LYZL4: variants seen among roughly 807,000 people sequenced by gnomAD.
LYZL4 encodes lysozyme-like protein 4.
LYZL4 carries 13 observed loss-of-function variants against 17.6 expected under a neutral mutation model. The observed-to-expected ratio is 0.74, with a 90% CI of 0.48 to 1.18. The LOEUF (loss-of-function observed/expected upper bound fraction) is 1.18. Ranked by LOEUF, LYZL4 falls within the 50% of genes most tolerant of loss-of-function variation. The pLI is 0.00. For missense variants in LYZL4, 174 were observed against 188.2 expected (o/e 0.92, Z 0.44); for synonymous variants, 64 against 67.7 (o/e 0.95, Z 0.27).
At chr3:42,383,799 C>T in the LYZL4 span, among the ~76,000 whole-genome samples, 270 of 151,064 alleles carry the variant, frequency 1.8e-3, 4 homozygotes, top group African/African-American at 6.0e-3. Context: ...TGAAAGAAGT[C>T]GAGAAAATTG....
chr3:42,398,128 C>T (rs1409355121), intron 4 of LYZL4, among the ~76,000 whole-genome samples: 2 of 152,166 alleles, frequency 1.3e-5, no homozygotes, highest in African/African-American at 4.8e-5. Context: ...AACATACACA[C>T]AGGTATTTTC....
the LYZL4 span, among the ~76,000 whole-genome samples, chr3:42,378,114 T>A: frequency 6.6e-6 from 1 of 152,178 alleles, no homozygotes; most frequent in Non-Finnish European, 1.5e-5. Context: ...GAGCAGAACT[T>A]GTGAGCCAAC....
At position 42,407,350 on chromosome 3, in the gene LYZL4, G is replaced by A. The variant is rs561669153; in HGVS notation, c.-92-7C>T. ...CTGAAGGGAAAGAAGGGCACTGTGG[G>A]GGTGGGGGTGGAGCACAGTTCAGTG... On this transcript the variant is annotated splice_region_variant and splice_polypyrimidine_tract_variant and intron_variant, in intron 1 of 4. Coordinates refer to ENST00000287748, the MANE Select transcript of LYZL4 (RefSeq NM_144634.4). The A allele has an allele frequency of 1.4e-4, 215 of 1,518,476 alleles. 2 individuals carry two copies. The South Asian group carries it at 2.3e-3, about 16-fold the overall frequency. The allele number at this position is 1,518,476 out of a possible 1,614,324, so 94.1% of individuals were successfully genotyped here.
At chr3:42,386,395 G>GCTCC in the LYZL4 span, among the ~76,000 whole-genome samples, 2 of 107,458 alleles carry the variant, frequency 1.9e-5, no homozygotes, top group Non-Finnish European at 3.8e-5. Context: ...GAGCCACCAC[G>GCTCC]CCCCCCCCCC....
At chr3:42,371,958 C>T in the LYZL4 span, among the ~76,000 whole-genome samples, 1 of 152,202 alleles carries the variant, frequency 6.6e-6, no homozygotes, top group East Asian at 1.9e-4. Flanking sequence ...GTGCCAACCT[C>T]CACAGTCACA....
intron 4 of LYZL4, among the ~76,000 whole-genome samples, chr3:42,399,297 A>G (rs956269526): frequency 6.6e-6 from 1 of 152,240 alleles, no homozygotes; most frequent in African/African-American, 2.4e-5. Context: ...AAATGCACCA[A>G]ATGGTCTCAA....
At chr3:42,393,948 T>C (rs1222074352), downstream of LYZL4, among the ~76,000 whole-genome samples, 1 of 152,092 alleles carries the variant, frequency 6.6e-6, no homozygotes, top group Admixed American at 6.5e-5. Flanking sequence ...TCCACCACCA[T>C]ACCCAGCTAA....
At chr3:42,401,004 C>T (rs1698642340) in intron 4 of LYZL4, among the ~76,000 whole-genome samples, 1 of 152,040 alleles carries the variant, frequency 6.6e-6, no homozygotes. Flanking sequence ...CAATCTACCC[C>T]CAAGTAGACG....
At chr3:42,369,501 G>A in the LYZL4 span, among the ~76,000 whole-genome samples, 1 of 152,228 alleles carries the variant, frequency 6.6e-6, no homozygotes. Flanking sequence ...CTGGCCAAGA[G>A]AGGAAAATCA....
chr3:42,366,165 T>C, the LYZL4 span, among the ~76,000 whole-genome samples: 2 of 152,040 alleles, frequency 1.3e-5, no homozygotes, highest in African/African-American at 4.8e-5. Context: ...GAAGAAAGGA[T>C]GCCAGACCAG....
chr3:42,366,057 A>G, the LYZL4 span, among the ~76,000 whole-genome samples: 1 of 152,088 alleles, frequency 6.6e-6, no homozygotes, highest in Admixed American at 6.6e-5. Context: ...CACTGGGGTT[A>G]GGGAGTGGGG....
the LYZL4 span, among the ~76,000 whole-genome samples, chr3:42,380,806 G>A: frequency 6.6e-6 from 1 of 152,188 alleles, no homozygotes; most frequent in Non-Finnish European, 1.5e-5. Context: ...CATGGGGGAA[G>A]TGTGCTTCCT....
chr3:42,372,251 C>T, the LYZL4 span, among the ~76,000 whole-genome samples: 1 of 152,230 alleles, frequency 6.6e-6, no homozygotes, highest in African/African-American at 2.4e-5. Flanking sequence ...CAAATCCTAA[C>T]TCTGCCACTT....
At chr3:42,390,048 C>T in the LYZL4 span, among the ~76,000 whole-genome samples, 1 of 152,244 alleles carries the variant, frequency 6.6e-6, no homozygotes, top group Non-Finnish European at 1.5e-5. Flanking sequence ...ACTGGTTGTT[C>T]ATTTTGCCTG....
At chr3:42,391,651 A>C in the LYZL4 span, among the ~76,000 whole-genome samples, 1 of 152,156 alleles carries the variant, frequency 6.6e-6, no homozygotes, top group Non-Finnish European at 1.5e-5. Context: ...AAGAGAGGAA[A>C]CTTGGATACG....
At chr3:42,361,053 C>T in the LYZL4 span, among the ~76,000 whole-genome samples, 1 of 152,064 alleles carries the variant, frequency 6.6e-6, no homozygotes, top group Non-Finnish European at 1.5e-5. Flanking sequence ...CCACTCGTAT[C>T]CCCTCCTTCA....
the LYZL4 span, among the ~76,000 whole-genome samples, chr3:42,364,983 G>C: frequency 5.4e-3 from 824 of 152,186 alleles, 3 homozygotes; most frequent in Middle Eastern, 0.02. Context: ...GGGCATTATG[G>C]CTCCCCAAAG....
the LYZL4 span, among the ~76,000 whole-genome samples, chr3:42,391,043 T>C: frequency 6.6e-6 from 1 of 152,114 alleles, no homozygotes; most frequent in Non-Finnish European, 1.5e-5. Context: ...ATGTTTGACA[T>C]ACGTACCCAT....
the LYZL4 span, among the ~76,000 whole-genome samples, chr3:42,375,265 A>G: frequency 1.3e-5 from 2 of 152,202 alleles, no homozygotes; most frequent in South Asian, 2.1e-4. Flanking sequence ...TCAGCTTCAG[A>G]CAGACTTTTG....
Sources: gnomAD v4.1 joint callset for allele counts (sites outside exome capture counted in the v4.1 genomes callset) on GRCh38, gnomAD v4.1.1 for gene constraint, MANE v1.5 for transcripts, NCBI Gene and HGNC (gene_info 2026-07-23, HGNC 2026-07-21) for gene names.